The following KIAA0825 variants were observed in gnomAD, a reference collection of about 807,000 sequenced individuals.
KIAA0825 encodes uncharacterized protein KIAA0825.
In KIAA0825, 119 loss-of-function variants were observed where a neutral mutation model predicts 147.6. That is an observed-to-expected ratio of 0.81 (90% confidence interval 0.69 to 0.94). The LOEUF is 0.94. KIAA0825 is among the 40% of genes least tolerant of loss of function. The probability of loss-of-function intolerance (pLI) is 0.00; values close to 1 mark genes in which losing one functional copy is unlikely to be tolerated. For synonymous variants in KIAA0825, 470 were observed against 518.1 expected (o/e 0.91, Z 1.26); for missense variants, 1,381 against 1,472.7 (o/e 0.94, Z 1.02).
chr5:94,294,095 A>G (rs147095021), intron 20 of KIAA0825, among the ~76,000 whole-genome samples: 17 of 152,216 alleles, frequency 1.1e-4, no homozygotes, highest in African/African-American at 4.1e-4. Context: ...TTGCCAATCT[A>G]TGTCTTCAAA....
intron 20 of KIAA0825, among the ~76,000 whole-genome samples, chr5:94,333,640 T>C (rs1781503708): frequency 6.6e-6 from 1 of 152,190 alleles, no homozygotes; most frequent in Non-Finnish European, 1.5e-5. Context: ...CCTTGTAGTA[T>C]AGTTTGAAGT....
At chr5:94,577,449 A>G (rs1781276746) in intron 2 of KIAA0825, among the ~76,000 whole-genome samples, 1 of 152,220 alleles carries the variant, frequency 6.6e-6, no homozygotes, top group African/African-American at 2.4e-5. Context: ...TTCGAAGTGT[A>G]GTCCAAAACT....
At chr5:94,550,415 C>T (rs1037667090) in intron 2 of KIAA0825, among the ~76,000 whole-genome samples, 1 of 152,162 alleles carries the variant, frequency 6.6e-6, no homozygotes. Context: ...ACTGACACCG[C>T]AAGACCCATC....
intron 5 of KIAA0825, among the ~76,000 whole-genome samples, chr5:94,514,770 T>C (rs1336209418): frequency 6.6e-6 from 1 of 152,202 alleles, no homozygotes; most frequent in Non-Finnish European, 1.5e-5. Flanking sequence ...AGTGATCTTG[T>C]GTCTCCCTAG....
At chr5:94,241,659 C>G (rs930498505) in intron 20 of KIAA0825, among the ~76,000 whole-genome samples, 4 of 152,050 alleles carry the variant, frequency 2.6e-5, no homozygotes, top group East Asian at 1.9e-4. Context: ...AATAAAATAC[C>G]CTTCCTACAT....
At chr5:94,283,407 A>G (rs1777544179) in intron 20 of KIAA0825, among the ~76,000 whole-genome samples, 1 of 152,070 alleles carries the variant, frequency 6.6e-6, no homozygotes, top group Non-Finnish European at 1.5e-5. Flanking sequence ...TTTCTGTCTC[A>G]TGTTAAATGA....
chr5:94,512,070 T>C (rs1397490855), intron 5 of KIAA0825, among the ~76,000 whole-genome samples: 1 of 152,116 alleles, frequency 6.6e-6, no homozygotes, highest in East Asian at 1.9e-4. Context: ...TTCATACTCA[T>C]ACATACATAA....
chr5:94,358,469 G>C (rs1306961304), intron 20 of KIAA0825, among the ~76,000 whole-genome samples: 1 of 152,164 alleles, frequency 6.6e-6, no homozygotes, highest in Non-Finnish European at 1.5e-5. Context: ...GAAGCACTAT[G>C]AATTTCCAAA....
At position 94,520,816 on chromosome 5, in the gene KIAA0825, A is replaced by G. The variant is rs1768036514; in HGVS notation, c.402T>C (p.Ser134=). Residue 134 remains serine, a synonymous_variant, in exon 5 of 21, where the codon AGT becomes AGC. Coordinates refer to ENST00000682413, the MANE Select transcript of KIAA0825 (RefSeq NM_001145678.3). ...HSSVSFPSTL[S]GTSFHFLSRT... ...TAGAGAGGAAATGGAAAGATGTTCCACTTAGGGTTGATGGGAATGAAACGC... is the reference window on the plus strand; with the variant it reads ...TAGAGAGGAAATGGAAAGATGTTCCGCTTAGGGTTGATGGGAATGAAACGC... 2 of 1,613,132 alleles carry G rather than the reference A, an allele frequency of 1.2e-6. No homozygotes were observed. Among genetic ancestry groups the G allele is most frequent in the Admixed American group, 3.3e-5 (2 of 59,910 alleles).
At chr5:94,182,916 A>C (rs972917134) in intron 20 of KIAA0825, among the ~76,000 whole-genome samples, 6 of 152,192 alleles carry the variant, frequency 3.9e-5, no homozygotes, top group African/African-American at 1.4e-4. Flanking sequence ...TGGTATCTCT[A>C]GTAAGGTAGG....
chr5:94,277,469 A>G (rs1049839446), intron 20 of KIAA0825, among the ~76,000 whole-genome samples: 1 of 152,204 alleles, frequency 6.6e-6, no homozygotes, highest in Admixed American at 6.5e-5. Flanking sequence ...GACACTTCTC[A>G]AAAGAAGACA....
At chr5:94,605,829 G>A (rs1787391124) in intron 1 of KIAA0825, among the ~76,000 whole-genome samples, 1 of 152,172 alleles carries the variant, frequency 6.6e-6, no homozygotes, top group Non-Finnish European at 1.5e-5. Context: ...GGCAAAAGCT[G>A]GAAGCAGTTT....
intron 14 of KIAA0825, 83 bp downstream of exon 14, chr5:94,439,899 A>G (rs1756858262): frequency 2.2e-6 from 3 of 1,381,270 alleles, no homozygotes; most frequent in Admixed American, 4.6e-5. Flanking sequence ...CTTTCTTCCA[A>G]TGTTTGCCTA....
chr5:94,289,023 T>C (rs1308050014), intron 20 of KIAA0825, among the ~76,000 whole-genome samples: 1 of 152,134 alleles, frequency 6.6e-6, no homozygotes, highest in Non-Finnish European at 1.5e-5. Flanking sequence ...GAAACTTCTG[T>C]TGTTGCCGAT....
intron 6 of KIAA0825, among the ~76,000 whole-genome samples, chr5:94,479,294 G>A (rs1762230182): frequency 1.3e-5 from 2 of 151,902 alleles, no homozygotes; most frequent in African/African-American, 4.8e-5. Context: ...TAATCTATTT[G>A]CTGTCTTTAT....
At chr5:94,408,094 CTT>C (rs1408428362) in intron 15 of KIAA0825, among the ~76,000 whole-genome samples, 2 of 152,072 alleles carry the variant, frequency 1.3e-5, no homozygotes, top group Admixed American at 6.5e-5. Context: ...TCCAATAAAA[CTT>C]TATTAAAATG....
chr5:94,158,679 A>C (rs1483727521), intron 20 of KIAA0825, among the ~76,000 whole-genome samples: 2 of 152,166 alleles, frequency 1.3e-5, no homozygotes, highest in Admixed American at 6.5e-5. Context: ...TTAGAATACT[A>C]TTTGCTGCAG....
In KIAA0825 at chr5:94,484,896, GA is replaced by G; in HGVS notation, c.1004del (p.Phe335SerfsTer5). 1.3e-6 allele frequency: 2 copies of G among 1,525,530 alleles called. No individual in the cohort carries two copies. Among genetic ancestry groups the G allele is most frequent in the Non-Finnish European group, 1.8e-6 (2 of 1,129,278 alleles). The allele number at this position is 1,525,530 out of a possible 1,614,324, so 94.5% of individuals were successfully genotyped here. A position where few individuals can be genotyped will look rare whatever the true frequency, so the allele number is the denominator to read the frequency against. On this transcript the variant is annotated frameshift_variant, in exon 6 of 21. Coordinates refer to ENST00000682413, the MANE Select transcript of KIAA0825 (RefSeq NM_001145678.3). LOFTEE classifies it high-confidence loss of function. ...TTECPQKGRNFSLPLDKVEFL... is the reference protein window; with the variant it reads ...TTECPQKGRNXSLPLDKVEFL... ...ATTCGACTTTGTCTAAAGGGAGAGAGAAGTTTCTTCCTTTCTGTGGGCATTC... is the reference window on the plus strand; with the variant it reads ...ATTCGACTTTGTCTAAAGGGAGAGAGAGTTTCTTCCTTTCTGTGGGCATTC...
intron 3 of KIAA0825, among the ~76,000 whole-genome samples, chr5:94,532,546 C>T (rs1463657685): frequency 2.0e-5 from 3 of 151,382 alleles, no homozygotes; most frequent in Non-Finnish European, 4.4e-5. Flanking sequence ...TTTCCCTTTC[C>T]TTTCCTCCCT....
Sources: gnomAD v4.1 joint callset for allele counts (sites outside exome capture counted in the v4.1 genomes callset) on GRCh38, gnomAD v4.1.1 for gene constraint, MANE v1.5 for transcripts, NCBI Gene and HGNC (gene_info 2026-07-23, HGNC 2026-07-21) for gene names.